Variants in PCDH9 observed in about 807,000 individuals in gnomAD.
PCDH9 encodes protocadherin-9.
Under a neutral mutation model 70.6 loss-of-function variants are expected in PCDH9, and 24 were observed. That is an observed-to-expected ratio of 0.34 (90% CI 0.25 to 0.48). The LOEUF (loss-of-function observed/expected upper bound fraction) is 0.48. Ranked by LOEUF, PCDH9 falls within the 20% of genes least tolerant of loss-of-function variation. The probability of loss-of-function intolerance (pLI) is 0.99; values close to 1 mark genes in which losing one functional copy is unlikely to be tolerated. For missense variants in PCDH9, 1,281 were observed against 1,503.6 expected (o/e 0.85, Z 2.45); for synonymous variants, 562 against 558.5 (o/e 1.01, Z -0.09).
At chr13:66,423,875 A>C (rs1957617982) in intron 4 of PCDH9, among the ~76,000 whole-genome samples, 1 of 152,196 alleles carries the variant, frequency 6.6e-6, no homozygotes, top group Non-Finnish European at 1.5e-5. Context: ...ATATGAAGAG[A>C]GGAAGTCAAA....
chr13:67,182,921 T>C (rs192215004), intron 2 of PCDH9, among the ~76,000 whole-genome samples: 2 of 152,204 alleles, frequency 1.3e-5, no homozygotes, highest in Admixed American at 1.3e-4. Flanking sequence ...AATTCTAAAA[T>C]TACTATCTTT....
At chr13:66,669,281 T>A (rs1170075852) in intron 3 of PCDH9, among the ~76,000 whole-genome samples, 1 of 152,170 alleles carries the variant, frequency 6.6e-6, no homozygotes, top group Non-Finnish European at 1.5e-5. Flanking sequence ...AAAAAATGTC[T>A]CATAGTAACT....
At chr13:66,795,204 T>G (rs918411523) in intron 3 of PCDH9, among the ~76,000 whole-genome samples, 2 of 152,146 alleles carry the variant, frequency 1.3e-5, no homozygotes, top group African/African-American at 4.8e-5. Context: ...TTTTGAAATA[T>G]TTGCATTATA....
chr13:66,900,756 T>C (rs2082264182), intron 3 of PCDH9, among the ~76,000 whole-genome samples: 1 of 151,734 alleles, frequency 6.6e-6, no homozygotes, highest in Non-Finnish European at 1.5e-5. Flanking sequence ...ACACCGAACA[T>C]GACTCTGTTT....
At chr13:67,189,797 T>C (rs1034720083) in intron 2 of PCDH9, among the ~76,000 whole-genome samples, 1 of 151,618 alleles carries the variant, frequency 6.6e-6, no homozygotes, top group Non-Finnish European at 1.5e-5. Flanking sequence ...TCATTCCAGA[T>C]AGAGAGAAAA....
At chr13:67,121,269 A>G (rs1381741447) in intron 2 of PCDH9, among the ~76,000 whole-genome samples, 3 of 152,178 alleles carry the variant, frequency 2.0e-5, no homozygotes, top group Non-Finnish European at 4.4e-5. Context: ...AGTCTGGGAC[A>G]CTCAAGCTCC....
intron 3 of PCDH9, among the ~76,000 whole-genome samples, chr13:66,646,097 G>A (rs781126615): frequency 6.6e-6 from 1 of 152,092 alleles, no homozygotes; most frequent in Non-Finnish European, 1.5e-5. Flanking sequence ...CTGTATCCCT[G>A]GAATAAAACT....
intron 2 of PCDH9, among the ~76,000 whole-genome samples, chr13:66,953,380 C>T (rs1000253498): frequency 6.6e-6 from 1 of 152,194 alleles, no homozygotes; most frequent in Non-Finnish European, 1.5e-5. Flanking sequence ...ACCTGAAACA[C>T]AGTACATGTT....
At chr13:66,963,481 G>A (rs1414460243) in intron 2 of PCDH9, among the ~76,000 whole-genome samples, 1 of 152,084 alleles carries the variant, frequency 6.6e-6, no homozygotes, top group Non-Finnish European at 1.5e-5. Context: ...CAGGAGTTAG[G>A]TTCCAACGGG....
At chr13:67,139,049 G>A (rs767842290) in intron 2 of PCDH9, among the ~76,000 whole-genome samples, 3 of 152,152 alleles carry the variant, frequency 2.0e-5, no homozygotes, top group Non-Finnish European at 2.9e-5. Context: ...ATGCCACTCC[G>A]TTCAATTCTC....
intron 3 of PCDH9, among the ~76,000 whole-genome samples, chr13:66,798,738 G>A (rs1371924638): frequency 6.6e-6 from 1 of 152,036 alleles, no homozygotes; most frequent in East Asian, 1.9e-4. Context: ...TGAAATGCCT[G>A]GTATAGCACA....
rs576695976 is a variant in PCDH9, at chr13:67,012,617, G to A, written c.3037-109012C>T. Among the ~76,000 whole-genome samples, 6 of 152,040 alleles carry A rather than the reference G, an allele frequency of 3.9e-5. No individual in the cohort carries two copies. The South Asian group carries it at 1.2e-3, about 32-fold the overall frequency. On this transcript the variant is annotated intron_variant, in intron 2 of 4. Coordinates refer to ENST00000377865, the MANE Select transcript of PCDH9 (RefSeq NM_203487.3). ...TGAACAGCAAGACTACAAATACGTT[G>A]AATGGTTAGTGAGTCGCATTTTTTT...
chr13:66,662,041 ATGTG>A (rs60088223), intron 3 of PCDH9, among the ~76,000 whole-genome samples: 17 of 150,080 alleles, frequency 1.1e-4, no homozygotes, highest in Admixed American at 3.3e-4. Context: ...CTTTGTGAGT[ATGTG>A]TGTGTGTGTG....
intron 3 of PCDH9, among the ~76,000 whole-genome samples, chr13:66,635,629 G>A (rs566327721): frequency 6.6e-6 from 1 of 152,196 alleles, no homozygotes; most frequent in South Asian, 2.1e-4. Context: ...TAATGAAGAT[G>A]TACATGTCCT....
intron 2 of PCDH9, among the ~76,000 whole-genome samples, chr13:67,156,248 A>G (rs1319520300): frequency 6.6e-6 from 1 of 152,178 alleles, no homozygotes. Flanking sequence ...CTAGCAAGGC[A>G]AAGACCGAAA....
At chr13:66,308,035 T>C (rs893382469) in intron 4 of PCDH9, among the ~76,000 whole-genome samples, 2 of 152,208 alleles carry the variant, frequency 1.3e-5, no homozygotes, top group East Asian at 3.9e-4. Context: ...GTCAACACTA[T>C]CCTCATGAAG....
chr13:66,811,251 A>AAGAGATAT, intron 3 of PCDH9, among the ~76,000 whole-genome samples: 1 of 152,286 alleles, frequency 6.6e-6, no homozygotes, highest in East Asian at 1.9e-4. Flanking sequence ...AACAAGTGGA[A>AAGAGATAT]AGAGATATTC....
intron 4 of PCDH9, among the ~76,000 whole-genome samples, chr13:66,554,250 A>G (rs1340074132): frequency 6.6e-6 from 1 of 152,154 alleles, no homozygotes; most frequent in African/African-American, 2.4e-5. Context: ...AAAAAGCCAC[A>G]TACTTATTTT....
chr13:67,060,966 C>T (rs1436946601), intron 2 of PCDH9, among the ~76,000 whole-genome samples: 1 of 151,942 alleles, frequency 6.6e-6, no homozygotes, highest in Non-Finnish European at 1.5e-5. Context: ...CTGGTTTGTC[C>T]TATTTTTAAA....
Sources: gnomAD v4.1 joint callset for allele counts (sites outside exome capture counted in the v4.1 genomes callset) on GRCh38, gnomAD v4.1.1 for gene constraint, MANE v1.5 for transcripts, NCBI Gene and HGNC (gene_info 2026-07-23, HGNC 2026-07-21) for gene names.